Variants in CDH23 observed in about 807,000 individuals in gnomAD.
The protein encoded by CDH23 is cadherin related 23.
Under a neutral mutation model 317.1 loss-of-function variants are expected in CDH23, and 189 were observed. The ratio of observed to expected loss-of-function variants is 0.60; its 90% CI spans 0.53 to 0.67. CDH23 has a LOEUF of 0.67. Ranked by LOEUF, CDH23 falls within the 30% of genes least tolerant of loss-of-function variation. The pLI, the probability that CDH23 is intolerant of heterozygous loss-of-function variation, is 0.00. For synonymous variants in CDH23, 1,839 were observed against 1,876.8 expected, an observed-to-expected ratio of 0.98 and a Z score of 0.52; for missense variants, 4,401 against 4,592.4, an observed-to-expected ratio of 0.96 and a Z score of 1.20.
At position 71,805,977 on chromosome 10, in the gene CDH23, G is replaced by C. The variant is rs2132984059; in HGVS notation, c.8044G>C (p.Glu2682Gln). ...LIQTAQRLDR[E>Q]SQAVYSLILV... ...CCAGACTGCTCAGCGCCTGGACCGCGAGTCGCAGGCGGTGTACAGCGTAAG... is the reference window on the plus strand; with the variant it reads ...CCAGACTGCTCAGCGCCTGGACCGCCAGTCGCAGGCGGTGTACAGCGTAAG... Residue 2682 changes from glutamate to glutamine, a missense_variant, in exon 56 of 70, where the codon GAG becomes CAG. By Grantham distance (29) the Glu-to-Gln change is conservative. This residue lies in a region of CDH23 where 1,144 missense variants were observed against 1,138.2 expected (regional missense o/e 1.01). Transcript: ENST00000224721. 22 of 1,604,068 alleles carry C rather than the reference G, an allele frequency of 1.4e-5. No homozygotes were observed. The highest frequency in any genetic ancestry group is 1.9e-5 in the Non-Finnish European group (22 of 1,174,490).
intron 56 of CDH23, 31 bp from the exon 57 acceptor site, chr10:71,806,136 CT>C (rs2132984658): frequency 1.3e-6 from 2 of 1,544,108 alleles, no homozygotes; most frequent in Non-Finnish European, 8.8e-7. Flanking sequence ...CTCTCCCAGT[CT>C]TTTCCTCTGA....
At chr10:71,712,855 G>A (rs1866036365) in intron 28 of CDH23, 42 bp downstream of exon 28, 1 of 1,596,570 alleles carries the variant, frequency 6.3e-7, no homozygotes, top group Admixed American at 1.7e-5. Flanking sequence ...TGGGCTGGGG[G>A]AGGCGGAGCC....
chr10:71,788,646 G>A (rs573865034), intron 44 of CDH23, among the ~76,000 whole-genome samples: 63 of 151,984 alleles, frequency 4.1e-4, no homozygotes, highest in African/African-American at 1.4e-3. Context: ...TAGTAGAGAC[G>A]GGGTTTCACC....
intron 1 of CDH23, among the ~76,000 whole-genome samples, chr10:71,415,926 T>C (rs1368475794): frequency 6.6e-6 from 1 of 152,264 alleles, no homozygotes; most frequent in African/African-American, 2.4e-5. Flanking sequence ...GGAATTTTTA[T>C]AAATATTTTT....
At chr10:71,606,742 G>A (rs1322940193) in intron 9 of CDH23, among the ~76,000 whole-genome samples, 2 of 152,192 alleles carry the variant, frequency 1.3e-5, no homozygotes, top group Non-Finnish European at 2.9e-5. Context: ...AGAGTGACAG[G>A]GGTGAGGGTG....
At chr10:71,510,752 T>G (rs887677235) in intron 4 of CDH23, among the ~76,000 whole-genome samples, 3 of 151,992 alleles carry the variant, frequency 2.0e-5, no homozygotes, top group Non-Finnish European at 4.4e-5. Flanking sequence ...CTTTTATTGC[T>G]CTCTTAAAGC....
chr10:71,444,021 A>G (rs1044153392), intron 2 of CDH23, among the ~76,000 whole-genome samples: 3 of 152,142 alleles, frequency 2.0e-5, no homozygotes, highest in Non-Finnish European at 4.4e-5. Context: ...TTTTTTCCTC[A>G]CTGGTTTCCT....
intron 14 of CDH23, 23 bp from the exon 15 acceptor site, chr10:71,675,089 A>T (rs1390160350): frequency 6.2e-7 from 1 of 1,611,750 alleles, no homozygotes; most frequent in Non-Finnish European, 8.5e-7. Flanking sequence ...GGCAGTAATG[A>T]CTTCTTGTTC....
chr10:71,580,712 A>G (rs974753143), intron 9 of CDH23, among the ~76,000 whole-genome samples: 6 of 152,158 alleles, frequency 3.9e-5, no homozygotes, highest in Non-Finnish European at 7.3e-5. Context: ...TCCTTTACCT[A>G]TTTCGTGGGT....
chr10:71,573,400 C>G (rs1457455809), intron 8 of CDH23, among the ~76,000 whole-genome samples: 1 of 152,218 alleles, frequency 6.6e-6, no homozygotes, highest in African/African-American at 2.4e-5. Context: ...TCCATTGGGT[C>G]TGCACTTCAT....
At chr10:71,609,319 A>G (rs1485038339) in intron 9 of CDH23, among the ~76,000 whole-genome samples, 2 of 146,422 alleles carry the variant, frequency 1.4e-5, no homozygotes, top group Non-Finnish European at 3.0e-5. Context: ...TCTCCCTCCG[A>G]CCACCTAGAA....
intron 38 of CDH23, among the ~76,000 whole-genome samples, chr10:71,775,306 G>C (rs1840791603): frequency 6.6e-6 from 1 of 152,154 alleles, no homozygotes; most frequent in South Asian, 2.1e-4. Context: ...CTTTGCTCAG[G>C]ACACCCTTGA....
In CDH23 at chr10:71,808,444, T is replaced by C. The variant is rs751503033; in HGVS notation, c.8722+437T>C. On this transcript the variant is annotated intron_variant, in intron 60 of 69. Coordinates refer to ENST00000224721, the MANE Select transcript of CDH23 (RefSeq NM_022124.6). ...CATCTTCCCACTCTCCCTCCCATAA[T>C]ATCTGCCTGTTTTTTCAGTTGCGCA... Among the ~76,000 whole-genome samples, 12 of 152,166 alleles carry C rather than the reference T, an allele frequency of 7.9e-5. No homozygotes were observed. In the South Asian group the frequency reaches 1.0e-3, roughly 13 times the overall value.
At chr10:71,669,464 T>G (rs1864051927) in intron 14 of CDH23, among the ~76,000 whole-genome samples, 1 of 151,820 alleles carries the variant, frequency 6.6e-6, no homozygotes. Flanking sequence ...TTTTTTTTTT[T>G]GTAAGATGGA....
Position 71,798,420 on chromosome 10 carries a change from C to G in CDH23, c.6896C>G (p.Thr2299Ser), listed in dbSNP as rs1214697586. The G allele has an allele frequency of 6.2e-7, 1 of 1,613,962 alleles. No homozygotes were observed. The highest frequency in any genetic ancestry group is 1.7e-5 in the Admixed American group (1 of 60,030). The change falls in exon 50 of 70, where the codon ACC becomes AGC. Residue 2299 changes from threonine to serine, a missense_variant. Transcript: ENST00000224721. ...NTPQFKPFGI[T>S]YYMERILEGA... is the part of the protein sequence containing the mutation. The stretch of plus-strand genomic sequence containing the variant: ...CCCCAGTTCAAGCCCTTTGGGATCA[C>G]CTACTACATGGAGCGGATCCTGGAG...
chr10:71,425,045 C>T lies in CDH23; in HGVS notation c.-5-14782C>T, dbSNP rs1250490892. 3.9e-5 allele frequency among the ~76,000 whole-genome samples: 6 copies of T among 152,006 alleles called. No homozygotes were observed. In the South Asian group the frequency reaches 8.3e-4, roughly 21 times the overall value. ...ATCTGCCACCTTGCCCAGGGTCACACGGCTGACCCATGGCTCTGCTTGGGG... is the reference window on the plus strand; with the variant it reads ...ATCTGCCACCTTGCCCAGGGTCACATGGCTGACCCATGGCTCTGCTTGGGG... On this transcript the variant is annotated intron_variant, in intron 1 of 69. Transcript: ENST00000224721.
intron 8 of CDH23, among the ~76,000 whole-genome samples, chr10:71,571,462 C>T (rs554512024): frequency 1.4e-4 from 21 of 152,322 alleles, no homozygotes; most frequent in African/African-American, 5.1e-4. Flanking sequence ...AAGAAAGGCT[C>T]CTGATTTTTC....
At chr10:71,564,235 ACAG>A (rs1158985216) in intron 6 of CDH23, among the ~76,000 whole-genome samples, 1 of 152,186 alleles carries the variant, frequency 6.6e-6, no homozygotes, top group Non-Finnish European at 1.5e-5. Context: ...TTTCCATGGA[ACAG>A]CAGCTGGGTG....
chr10:71,574,224 A>G (rs932246365), intron 8 of CDH23, among the ~76,000 whole-genome samples: 1 of 151,194 alleles, frequency 6.6e-6, no homozygotes, highest in Non-Finnish European at 1.5e-5. Flanking sequence ...GCCTCCCCCT[A>G]TCAGCGTATC....
Sources: gnomAD v4.1 joint callset for allele counts (sites outside exome capture counted in the v4.1 genomes callset) on GRCh38, gnomAD v4.1.1 for gene constraint, gnomAD v4.1.1 regional missense constraint, MANE v1.5 for transcripts, NCBI Gene and HGNC (gene_info 2026-07-23, HGNC 2026-07-21) for gene names.